Variants in KDM4C observed in about 807,000 individuals in gnomAD.
KDM4C encodes lysine demethylase 4C, also known as lysine-specific demethylase 4C.
A neutral mutation model predicts 129.3 loss-of-function variants in KDM4C; 81 were observed. That is an observed-to-expected ratio of 0.63 (90% confidence interval 0.52 to 0.75). The LOEUF (loss-of-function observed/expected upper bound fraction) is 0.75, where lower values mean the gene tolerates loss of function less well. Among genes scored for constraint, KDM4C ranks in the 30% least tolerant of loss-of-function variants. The probability of loss-of-function intolerance (pLI) is 0.00; values close to 1 mark genes in which losing one functional copy is unlikely to be tolerated. For missense variants in KDM4C, 1,457 were observed against 1,304.0 expected (o/e 1.12, Z -1.81); for synonymous variants, 573 against 456.1 (o/e 1.26, Z -3.26).
chr9:6,725,200 A>G (rs2996061), intron 1 of KDM4C, among the ~76,000 whole-genome samples: 31,024 of 151,986 alleles, frequency 0.2, 3,401 homozygotes, highest in Non-Finnish European at 0.25. Context: ...CACTGTGACA[A>G]TGTTCCACCA....
At chr9:7,077,769 C>T (rs1316102072) in intron 17 of KDM4C, among the ~76,000 whole-genome samples, 1 of 152,160 alleles carries the variant, frequency 6.6e-6, no homozygotes, top group Non-Finnish European at 1.5e-5. Flanking sequence ...AGTGCATGCA[C>T]CACATTTTCA....
At chr9:7,146,196 G>A (rs1425580260) in intron 19 of KDM4C, among the ~76,000 whole-genome samples, 3 of 152,142 alleles carry the variant, frequency 2.0e-5, no homozygotes, top group African/African-American at 7.2e-5. Context: ...ATATAAATAT[G>A]CAAGGGAAAA....
chr9:7,112,543 C>T (rs1032949687), intron 18 of KDM4C, among the ~76,000 whole-genome samples: 3 of 152,076 alleles, frequency 2.0e-5, no homozygotes, highest in African/African-American at 7.2e-5. Context: ...GAGAAGACCC[C>T]AAGGGACAAC....
At chr9:6,834,662 C>A in intron 4 of KDM4C, 1 of 802,004 alleles carries the variant, frequency 1.2e-6, no homozygotes, top group Non-Finnish European at 2.3e-6. Context: ...CCTGAAGTGC[C>A]TCATCGAGCA....
At chr9:6,785,091 A>G (rs564202872) in intron 1 of KDM4C, among the ~76,000 whole-genome samples, 1 of 152,254 alleles carries the variant, frequency 6.6e-6, no homozygotes, top group Admixed American at 6.5e-5. Context: ...ATTATCACAA[A>G]CTGGGATGGT....
intron 17 of KDM4C, among the ~76,000 whole-genome samples, chr9:7,091,885 GC>G (rs545383894): frequency 1.2e-3 from 189 of 152,218 alleles, no homozygotes; most frequent in Non-Finnish European, 2.2e-3. Context: ...AGTTGGTGAT[GC>G]TTGTCCTGAC....
chr9:6,864,589 G>T (rs1342295815), intron 5 of KDM4C, among the ~76,000 whole-genome samples: 1 of 151,626 alleles, frequency 6.6e-6, no homozygotes, highest in East Asian at 1.9e-4. Flanking sequence ...TGCTGCCTCA[G>T]CCCTCCATAG....
intron 17 of KDM4C, among the ~76,000 whole-genome samples, chr9:7,095,129 G>A (rs1028469681): frequency 2.0e-5 from 3 of 152,220 alleles, no homozygotes; most frequent in Non-Finnish European, 2.9e-5. Context: ...CAGGATAGAG[G>A]TGCTTGAAAC....
At chr9:7,077,388 T>A (rs536136965) in intron 17 of KDM4C, 1 of 203,566 alleles carries the variant, frequency 4.9e-6, no homozygotes, top group East Asian at 1.9e-4. Flanking sequence ...AATAGCATGC[T>A]ATTTAGCATT....
In KDM4C at chr9:6,929,471, CTT is replaced by C. The variant is rs59537472; in HGVS notation, c.921+36257_921+36258del. 6.4e-3 allele frequency among the ~76,000 whole-genome samples: 811 copies of C among 127,538 alleles called. 18 individuals carry two copies. The highest frequency in any genetic ancestry group is 0.023 in the African/African-American group (784 of 34,226). The allele number at this position is 127,538 out of a possible 152,430, so 83.7% of individuals were successfully genotyped here. On this transcript the variant is annotated intron_variant, in intron 8 of 21. Coordinates refer to ENST00000381309, the MANE Select transcript of KDM4C (RefSeq NM_015061.6). ...TACACTTTATCCTGTTTGACTTTTT[CTT>C]TTTTTTTTTTTTTTTTTGGCAACAA... is the stretch of plus-strand genomic sequence containing the variant.
chr9:7,006,479 C>A (rs1267366720), intron 12 of KDM4C, among the ~76,000 whole-genome samples: 2 of 151,910 alleles, frequency 1.3e-5, no homozygotes, highest in East Asian at 3.9e-4. Flanking sequence ...TGTTTATGGT[C>A]CTGAGGAGTG....
At chr9:7,157,718 T>G (rs1181185984) in intron 19 of KDM4C, among the ~76,000 whole-genome samples, 1 of 152,190 alleles carries the variant, frequency 6.6e-6, no homozygotes, top group Non-Finnish European at 1.5e-5. Flanking sequence ...TTGATCATGG[T>G]GGGTAAGCTT....
chr9:7,135,197 G>A (rs1046026695), intron 19 of KDM4C, among the ~76,000 whole-genome samples: 6 of 152,132 alleles, frequency 3.9e-5, no homozygotes, highest in Non-Finnish European at 8.8e-5. Context: ...TTGCCCTGAT[G>A]TCCCATGCAG....
intron 15 of KDM4C, among the ~76,000 whole-genome samples, chr9:7,045,549 G>A (rs1300054176): frequency 6.6e-6 from 1 of 151,984 alleles, no homozygotes; most frequent in Non-Finnish European, 1.5e-5. Flanking sequence ...TTTGCTTGTT[G>A]TGATTCATCA....
At chr9:6,763,092 T>A (rs979612502) in intron 1 of KDM4C, among the ~76,000 whole-genome samples, 1 of 152,006 alleles carries the variant, frequency 6.6e-6, no homozygotes, top group Non-Finnish European at 1.5e-5. Flanking sequence ...ATCCACACTT[T>A]CTGGGCCTAA....
chr9:7,126,964 A>G (rs1462756029), intron 18 of KDM4C, among the ~76,000 whole-genome samples: 1 of 152,206 alleles, frequency 6.6e-6, no homozygotes, highest in Non-Finnish European at 1.5e-5. Flanking sequence ...AAAGTAAAGT[A>G]TGAACTATAA....
intron 8 of KDM4C, among the ~76,000 whole-genome samples, chr9:6,897,346 C>T (rs1321071265): frequency 6.6e-6 from 1 of 152,168 alleles, no homozygotes; most frequent in African/African-American, 2.4e-5. Context: ...TGGCCCAGGC[C>T]TTACCATTCT....
At chr9:7,103,366 A>G (rs1293394291) in intron 17 of KDM4C, among the ~76,000 whole-genome samples, 2 of 152,218 alleles carry the variant, frequency 1.3e-5, no homozygotes, top group Admixed American at 6.5e-5. Flanking sequence ...GATTATTTAT[A>G]GGAGCACCTC....
At chr9:6,936,795 T>A (rs1824877562) in intron 8 of KDM4C, among the ~76,000 whole-genome samples, 2 of 152,238 alleles carry the variant, frequency 1.3e-5, no homozygotes, top group Admixed American at 1.3e-4. Context: ...AATAACTATG[T>A]GCCCTTAGCT....
Sources: gnomAD v4.1 joint callset for allele counts (sites outside exome capture counted in the v4.1 genomes callset) on GRCh38, gnomAD v4.1.1 for gene constraint, MANE v1.5 for transcripts, NCBI Gene and HGNC (gene_info 2026-07-23, HGNC 2026-07-21) for gene names.